CLASRP: variants seen among roughly 807,000 people sequenced by gnomAD.
CLASRP encodes CLK4 associating serine/arginine rich protein.
A neutral mutation model predicts 99.9 loss-of-function variants in CLASRP; 52 were observed. The ratio of observed to expected loss-of-function variants is 0.52; its 90% CI spans 0.42 to 0.66. The LOEUF (loss-of-function observed/expected upper bound fraction) is 0.66, where lower values mean the gene tolerates loss of function less well. CLASRP is among the 30% of genes least tolerant of loss of function. The probability of loss-of-function intolerance (pLI) is 0.00; values close to 1 mark genes in which losing one functional copy is unlikely to be tolerated. For missense variants in CLASRP, 848 were observed against 999.2 expected, an observed-to-expected ratio of 0.85 and a Z score of 2.04; for synonymous variants, 379 against 373.0, an observed-to-expected ratio of 1.02 and a Z score of -0.18.
At chr19:45,042,616 T>C (rs907583197) in intron 2 of CLASRP, among the ~76,000 whole-genome samples, 1 of 150,984 alleles carries the variant, frequency 6.6e-6, no homozygotes, top group Non-Finnish European at 1.5e-5. Context: ...TGCTCCAAAA[T>C]CTTTTTTTTT....
rs761821294 is a variant in CLASRP at position 45,059,378 on chromosome 19, G to A, written c.710+14G>A. 1 of 1,566,034 alleles carries A rather than the reference G, an allele frequency of 6.4e-7. No individual in the cohort carries two copies. Among genetic ancestry groups the A allele is most frequent in the Non-Finnish European group, 8.7e-7 (1 of 1,152,994 alleles). On this transcript the variant is annotated intron_variant, in intron 8 of 20. Coordinates refer to ENST00000221455, the MANE Select transcript of CLASRP (RefSeq NM_007056.3). Reference sequence around the variant, plus strand: ...TGACTTCGTCAGGTGAGGCCTGCCTGCTGACACCCCTACCCATTCTGTGGG... The same window carrying A: ...TGACTTCGTCAGGTGAGGCCTGCCTACTGACACCCCTACCCATTCTGTGGG...
chr19:45,046,181 C>T (rs976301803), intron 2 of CLASRP, among the ~76,000 whole-genome samples: 5 of 152,056 alleles, frequency 3.3e-5, no homozygotes, highest in Non-Finnish European at 5.9e-5. Context: ...AGCCTTGGGC[C>T]GAGAGCAGAG....
chr19:45,047,786 T>C (rs1971949617), intron 2 of CLASRP, among the ~76,000 whole-genome samples: 1 of 152,106 alleles, frequency 6.6e-6, no homozygotes, highest in Non-Finnish European at 1.5e-5. Context: ...TCTACCACAA[T>C]AAAAAAATTA....
intron 11 of CLASRP, 66 bp from the exon 12 acceptor site, chr19:45,063,944 CTG>C: frequency 1.3e-6 from 2 of 1,512,134 alleles, no homozygotes; most frequent in Middle Eastern, 2.0e-4. Context: ...TGTTGATCTG[CTG>C]TGTGTGCTGT....
At chr19:45,054,683 T>A (rs1046117777) in intron 5 of CLASRP, among the ~76,000 whole-genome samples, 1 of 152,172 alleles carries the variant, frequency 6.6e-6, no homozygotes, top group African/African-American at 2.4e-5. Flanking sequence ...GACTTGAGAT[T>A]CCCTTTCTTG....
At position 45,064,537 on chromosome 19, in the gene CLASRP, G is replaced by A. The variant is rs1350134968; in HGVS notation, c.1316G>A (p.Gly439Asp). 3 of 1,538,006 alleles carry A rather than the reference G, an allele frequency of 2.0e-6. No homozygotes were observed. The highest frequency in any genetic ancestry group is 3.9e-5 in the Admixed American group (2 of 50,950). Residue 439 changes from glycine to aspartate, a missense_variant, in exon 13 of 21, where the codon GGC (glycine) becomes GAC (aspartate). By Grantham distance (94) the Gly-to-Asp change is moderately conservative. Coordinates refer to ENST00000221455, the MANE Select transcript of CLASRP (RefSeq NM_007056.3). ...CGCTATTCCCGGTCCCGTAGCCGTGGCCGGCGGCACTCAGGTGGGGGCTCC... is the reference window on the plus strand; with the variant it reads ...CGCTATTCCCGGTCCCGTAGCCGTGACCGGCGGCACTCAGGTGGGGGCTCC... Reference protein sequence around the residue: ...SRRYSRSRSRGRRHSGGGSRD... With the variant: ...SRRYSRSRSRDRRHSGGGSRD...
intron 2 of CLASRP, among the ~76,000 whole-genome samples, chr19:45,047,178 A>G (rs566508894): frequency 2.0e-5 from 3 of 152,306 alleles, no homozygotes; most frequent in East Asian, 1.9e-4. Flanking sequence ...CACATAACGC[A>G]ATATTATTCA....
chr19:45,064,826 G>A (rs187761454), intron 13 of CLASRP, among the ~76,000 whole-genome samples, 196 bp downstream of exon 13: 77 of 152,334 alleles, frequency 5.1e-4, no homozygotes, highest in African/African-American at 1.7e-3. Context: ...TTGCGTGCGC[G>A]TTCTGGTGGC....
intron 5 of CLASRP, among the ~76,000 whole-genome samples, chr19:45,055,843 A>G (rs1280814541): frequency 1.3e-5 from 2 of 152,162 alleles, no homozygotes; most frequent in African/African-American, 4.8e-5. Flanking sequence ...TAAAAAAATA[A>G]GAAAAGAAAA....
chr19:45,061,128 A>G (rs948926695), intron 10 of CLASRP, among the ~76,000 whole-genome samples: 2 of 152,184 alleles, frequency 1.3e-5, no homozygotes, highest in Admixed American at 1.3e-4. Flanking sequence ...TGGAGAGGAA[A>G]GCCCAGCCTG....
chr19:45,059,420 C>A, intron 8 of CLASRP, 56 bp downstream of exon 8: 2 of 1,367,430 alleles, frequency 1.5e-6, no homozygotes, highest in Non-Finnish European at 2.0e-6. Flanking sequence ...CCTGGCATCT[C>A]ACTATTACTC....
At chr19:45,043,895 T>G (rs1568410684) in intron 2 of CLASRP, among the ~76,000 whole-genome samples, 1 of 152,120 alleles carries the variant, frequency 6.6e-6, no homozygotes, top group Non-Finnish European at 1.5e-5. Context: ...ACCTTTTTTT[T>G]TTTTGAGATG....
chr19:45,041,556 GT>G (rs1156349788), intron 2 of CLASRP, among the ~76,000 whole-genome samples: 42 of 152,106 alleles, frequency 2.8e-4, no homozygotes, highest in African/African-American at 9.7e-4. Flanking sequence ...ACCTTTCCCA[GT>G]TATTCCTGTA....
In CLASRP at chr19:45,064,593, G is replaced by A; in HGVS notation, c.1372G>A (p.Ala458Thr). ...CGGACACCGGTACTCCCGCTCGCCCGCCCGGCGTGGTGGTTACGGGCCCCG... is the reference window on the plus strand; with the variant it reads ...CGGACACCGGTACTCCCGCTCGCCCACCCGGCGTGGTGGTTACGGGCCCCG... ...RDGHRYSRSP[A>T]RRGGYGPRRR... is the part of the protein sequence containing the mutation. The change falls in exon 13 of 21, where the codon GCC becomes ACC. Residue 458 changes from alanine (A) to threonine (T), a missense_variant. This residue lies in a region of CLASRP where 489 missense variants were observed against 434.7 expected (regional missense o/e 1.12). Coordinates refer to ENST00000221455, the MANE Select transcript of CLASRP (RefSeq NM_007056.3). The A allele has an allele frequency of 6.5e-7, 1 of 1,547,084 alleles. No individual in the cohort carries two copies. The highest frequency in any genetic ancestry group is 8.7e-7 in the Non-Finnish European group (1 of 1,151,722).
Position 45,040,207 on chromosome 19 carries a change from A to G in CLASRP, c.-6A>G. On this transcript the variant is annotated 5_prime_UTR_variant, in exon 2 of 21. Coordinates refer to ENST00000221455, the MANE Select transcript of CLASRP (RefSeq NM_007056.3). The stretch of plus-strand genomic sequence containing the variant: ...AGGTTGAGGCCCCAGGCTTGGCCTC[A>G]CCACAATGTGGCACGAGGCTCGGAA... The G allele has an allele frequency of 6.2e-7, 1 of 1,601,552 alleles. No homozygotes were observed. Among genetic ancestry groups the G allele is most frequent in the Non-Finnish European group, 8.5e-7 (1 of 1,175,492 alleles).
At chr19:45,065,864 C>G (rs1386179363) in intron 13 of CLASRP, among the ~76,000 whole-genome samples, 1 of 152,204 alleles carries the variant, frequency 6.6e-6, no homozygotes, top group Non-Finnish European at 1.5e-5. Flanking sequence ...GTGCTTAGGA[C>G]AGGGCTGGTG....
intron 2 of CLASRP, chr19:45,040,581 C>T (rs893798021): frequency 6.4e-6 from 2 of 312,102 alleles, no homozygotes; most frequent in Admixed American, 8.1e-5. Context: ...CAGAGCAGTC[C>T]TGACGTTAGA....
intron 7 of CLASRP, among the ~76,000 whole-genome samples, chr19:45,058,426 A>G (rs1441018553): frequency 3.3e-5 from 5 of 151,790 alleles, no homozygotes; most frequent in Non-Finnish European, 7.4e-5. Context: ...TTGCTCTGTT[A>G]CCGGGCTGGA....
chr19:45,043,326 G>A (rs996680270), intron 2 of CLASRP, among the ~76,000 whole-genome samples: 6 of 148,662 alleles, frequency 4.0e-5, no homozygotes, highest in Non-Finnish European at 3.0e-5. Flanking sequence ...GCAGGAGAAT[G>A]GCATGAACCC....
Sources: allele counts gnomAD v4.1 joint callset (sites outside exome capture counted in the v4.1 genomes callset), GRCh38; gene constraint gnomAD v4.1.1; regional missense constraint gnomAD v4.1.1; transcripts MANE v1.5; gene names NCBI Gene and HGNC (gene_info 2026-07-23, HGNC 2026-07-21).